LRBA: variants seen among roughly 807,000 people sequenced by gnomAD.
LRBA encodes the protein LPS responsive beige-like anchor protein.
A neutral mutation model predicts 330.0 loss-of-function variants in LRBA; 176 were observed. The observed-to-expected ratio is 0.53, with a 90% CI of 0.47 to 0.60. The LOEUF (loss-of-function observed/expected upper bound fraction) is 0.60. Ranked by LOEUF, LRBA falls within the 20% of genes least tolerant of loss-of-function variation. The probability of loss-of-function intolerance (pLI) is 0.00; values close to 1 mark genes in which losing one functional copy is unlikely to be tolerated. For synonymous variants in LRBA, 1,230 were observed against 1,193.0 expected (o/e 1.03, Z -0.64); for missense variants, 3,259 against 3,444.8 (o/e 0.95, Z 1.35).
At chr4:150,544,056 G>C (rs890251213) in intron 40 of LRBA, among the ~76,000 whole-genome samples, 2 of 151,812 alleles carry the variant, frequency 1.3e-5, no homozygotes, top group Non-Finnish European at 2.9e-5. Flanking sequence ...ACTGGCATTT[G>C]TCTACCTGTC....
At chr4:150,786,145 CACA>C (rs908501183) in intron 34 of LRBA, among the ~76,000 whole-genome samples, 1 of 152,104 alleles carries the variant, frequency 6.6e-6, no homozygotes, top group Non-Finnish European at 1.5e-5. Context: ...TTCCAGAGGT[CACA>C]ACATTTGCAA....
intron 35 of LRBA, among the ~76,000 whole-genome samples, chr4:150,748,757 T>C (rs916194350): frequency 1.3e-5 from 2 of 152,012 alleles, no homozygotes; most frequent in East Asian, 1.9e-4. Flanking sequence ...AGAAACCTAA[T>C]CTCCAATGCA....
chr4:150,568,973 T>A (rs1769502837), intron 40 of LRBA, among the ~76,000 whole-genome samples: 1 of 152,150 alleles, frequency 6.6e-6, no homozygotes, highest in Admixed American at 6.6e-5. Context: ...TATAAAAGCA[T>A]GTAACCTTGA....
Position 150,783,406 on chromosome 4 carries a change from A to T in LRBA, c.5580+14675T>A, listed in dbSNP as rs188569958. Among the ~76,000 whole-genome samples the T allele has an allele frequency of 3.9e-4, 59 of 152,338 alleles. 1 individual carries two copies. Among genetic ancestry groups the T allele is most frequent in the Admixed American group, 3.3e-3 (51 of 15,304 alleles). On this transcript the variant is annotated intron_variant, in intron 34 of 56. Coordinates refer to ENST00000651943, the MANE Select transcript of LRBA (RefSeq NM_001364905.1). ...ACTTTCTAAGTGCTCTCAAGTAAAGAAATAGGTAAGCTTTTCTGAGAAAAA... is the reference window on the plus strand; with the variant it reads ...ACTTTCTAAGTGCTCTCAAGTAAAGTAATAGGTAAGCTTTTCTGAGAAAAA...
At chr4:150,496,289 A>C (rs552986200) in intron 40 of LRBA, among the ~76,000 whole-genome samples, 26 of 152,178 alleles carry the variant, frequency 1.7e-4, no homozygotes, top group African/African-American at 6.0e-4. Context: ...TCCCTTTACC[A>C]GTCCATTTGT....
At chr4:150,461,399 G>A (rs1239529425) in intron 44 of LRBA, among the ~76,000 whole-genome samples, 1 of 151,792 alleles carries the variant, frequency 6.6e-6, no homozygotes, top group Non-Finnish European at 1.5e-5. Flanking sequence ...TATGCACAGT[G>A]ATGGTTTCTT....
At position 150,946,141 on chromosome 4, in the gene LRBA, T is replaced by G. The variant is rs115783353; in HGVS notation, c.217-17076A>C. ...AGAATAAAATGCTACAATATTTATTTATTATGAAATAAACAGTATTATGAA... is the reference window on the plus strand; with the variant it reads ...AGAATAAAATGCTACAATATTTATTGATTATGAAATAAACAGTATTATGAA... On this transcript the variant is annotated intron_variant, in intron 2 of 56. Transcript: ENST00000651943. 3.7e-3 allele frequency among the ~76,000 whole-genome samples: 559 copies of G among 152,330 alleles called. 3 individuals carry two copies. The highest frequency in any genetic ancestry group is 0.013 in the African/African-American group (543 of 41,586).
intron 45 of LRBA, 30 bp downstream of exon 45, chr4:150,436,694 G>T (rs1363477452): frequency 1.9e-6 from 3 of 1,583,946 alleles, no homozygotes; most frequent in East Asian, 4.5e-5. Context: ...AATTTATTTA[G>T]CCATGGTGTA....
intron 48 of LRBA, among the ~76,000 whole-genome samples, chr4:150,348,279 A>T (rs1426334131): frequency 6.6e-6 from 1 of 152,228 alleles, no homozygotes; most frequent in Admixed American, 6.5e-5. Context: ...TAGCCATGAC[A>T]AACAGATATA....
At chr4:150,385,351 G>T (rs1742908056) in intron 47 of LRBA, among the ~76,000 whole-genome samples, 1 of 152,036 alleles carries the variant, frequency 6.6e-6, no homozygotes, top group African/African-American at 2.4e-5. Context: ...CCATAAAGGG[G>T]CGAATAGACC....
intron 37 of LRBA, among the ~76,000 whole-genome samples, chr4:150,682,037 C>G (rs1783098334): frequency 6.6e-6 from 1 of 152,042 alleles, no homozygotes; most frequent in Non-Finnish European, 1.5e-5. Flanking sequence ...TCAAAATAAC[C>G]CATGAAACGC....
chr4:150,426,510 C>A (rs968604189), intron 46 of LRBA, among the ~76,000 whole-genome samples: 8 of 151,978 alleles, frequency 5.3e-5, no homozygotes, highest in African/African-American at 1.7e-4. Context: ...CCTTACTCAC[C>A]TCAATTGCCA....
At chr4:150,312,782 T>C (rs13151875) in intron 51 of LRBA, among the ~76,000 whole-genome samples, 48,552 of 151,930 alleles carry the variant, frequency 0.32, 8,971 homozygotes, top group Non-Finnish European at 0.42. Context: ...GATCACTATA[T>C]GAATTGCCAC....
chr4:150,351,474 GGT>G (rs1737149807), intron 47 of LRBA, among the ~76,000 whole-genome samples: 1 of 152,084 alleles, frequency 6.6e-6, no homozygotes, highest in South Asian at 2.1e-4. Flanking sequence ...CGGATCACGA[GGT>G]CAGGAGATCG....
chr4:150,542,828 A>G (rs898621922), intron 40 of LRBA, among the ~76,000 whole-genome samples: 1 of 152,202 alleles, frequency 6.6e-6, no homozygotes, highest in African/African-American at 2.4e-5. Flanking sequence ...CCATATAATT[A>G]TGAATCTGAT....
Position 150,269,167 on chromosome 4 carries a change from C to T in LRBA, c.8469-3355G>A, listed in dbSNP as rs115716414. On this transcript the variant is annotated intron_variant, in intron 56 of 56. Transcript: ENST00000651943. ...TTGCACTCCAGCCTGGGTGACAGAG[C>T]GAAACAGAAACCCCTAACAGCCAAA... Among the ~76,000 whole-genome samples the T allele has an allele frequency of 4.2e-3, 632 of 152,082 alleles. 2 individuals are homozygous for T. The highest frequency in any genetic ancestry group is 0.015 in the African/African-American group (602 of 41,502).
intron 34 of LRBA, among the ~76,000 whole-genome samples, chr4:150,782,884 C>CT (rs929243903): frequency 2.6e-4 from 39 of 148,206 alleles, no homozygotes; most frequent in East Asian, 2.0e-4. Context: ...GAAACAAAAA[C>CT]TTTTTTTTTT....
intron 35 of LRBA, 76 bp downstream of exon 35, chr4:150,761,707 A>C: frequency 1.1e-6 from 1 of 897,012 alleles, no homozygotes. Context: ...TACAGAACCC[A>C]AAAATATCAA....
Position 150,806,269 on chromosome 4 carries a change from A to C in LRBA, c.5518+2T>G. 6.4e-7 allele frequency: 1 copy of C among 1,562,818 alleles called. No homozygotes were observed. Among genetic ancestry groups the C allele is most frequent in the Non-Finnish European group, 8.6e-7 (1 of 1,159,354 alleles). Reference sequence around the variant, plus strand: ...CAAATAAAATAAAGAAAAACCACTTACTTGTTCCTTCTATAAGCAGTTCTT... The same window carrying C: ...CAAATAAAATAAAGAAAAACCACTTCCTTGTTCCTTCTATAAGCAGTTCTT... On this transcript the variant is annotated splice_donor_variant, in intron 33 of 56. Transcript: ENST00000651943. LOFTEE classifies it high-confidence loss of function.
Sources: gnomAD v4.1 joint callset for allele counts (sites outside exome capture counted in the v4.1 genomes callset) on GRCh38, gnomAD v4.1.1 for gene constraint, MANE v1.5 for transcripts, NCBI Gene and HGNC (gene_info 2026-07-23, HGNC 2026-07-21) for gene names.